Variants in CEP85L observed in about 807,000 individuals in gnomAD.
CEP85L encodes centrosomal protein 85L, also known as centrosomal protein of 85 kDa-like.
Under a neutral mutation model 100.3 loss-of-function variants are expected in CEP85L, and 60 were observed. That is an observed-to-expected ratio of 0.60 (90% CI 0.49 to 0.74). The LOEUF (loss-of-function observed/expected upper bound fraction) is 0.74, where lower values mean the gene tolerates loss of function less well. Ranked by LOEUF, CEP85L falls within the 30% of genes least tolerant of loss-of-function variation. CEP85L has a pLI of 0.00. For synonymous variants in CEP85L, 319 were observed against 322.7 expected (o/e 0.99, Z 0.12); for missense variants, 973 against 936.2 (o/e 1.04, Z -0.51).
chr6:118,599,060 T>A (rs1781593495), intron 2 of CEP85L, among the ~76,000 whole-genome samples: 1 of 152,204 alleles, frequency 6.6e-6, no homozygotes, highest in Admixed American at 6.5e-5. Flanking sequence ...AATTATAGGC[T>A]AATATACATA....
At chr6:118,529,596 A>C (rs1385747347) in intron 3 of CEP85L, among the ~76,000 whole-genome samples, 4 of 132,896 alleles carry the variant, frequency 3.0e-5, no homozygotes, top group African/African-American at 1.2e-4. Flanking sequence ...CGACAGAGCG[A>C]GACTCTGTCT....
At chr6:118,596,447 A>T (rs1288691664) in intron 2 of CEP85L, among the ~76,000 whole-genome samples, 1 of 152,178 alleles carries the variant, frequency 6.6e-6, no homozygotes, top group Non-Finnish European at 1.5e-5. Flanking sequence ...CTTGGTAAGC[A>T]CACTTACCAA....
upstream of CEP85L, chr6:118,652,346 A>G (rs1445999170): frequency 3.5e-5 from 35 of 994,670 alleles, no homozygotes; most frequent in Non-Finnish European, 4.2e-5. Context: ...TTAGTGCAGG[A>G]GGAGACGTCC....
At chr6:118,591,429 C>CA (rs1312980796) in intron 2 of CEP85L, among the ~76,000 whole-genome samples, 2 of 152,006 alleles carry the variant, frequency 1.3e-5, no homozygotes, top group Non-Finnish European at 2.9e-5. Flanking sequence ...GGTCATGGGC[C>CA]AAGTCTTCAT....
At chr6:118,632,211 G>A (rs6569024) in intron 2 of CEP85L, among the ~76,000 whole-genome samples, 53,537 of 151,946 alleles carry the variant, frequency 0.35, 10,461 homozygotes, top group Non-Finnish European at 0.46. Flanking sequence ...AGATGGTCTC[G>A]ATCTCCTGAC....
chr6:118,616,619 C>T (rs1254726864), intron 2 of CEP85L, among the ~76,000 whole-genome samples: 2 of 149,976 alleles, frequency 1.3e-5, no homozygotes, highest in Non-Finnish European at 3.0e-5. Flanking sequence ...ACACTACAGC[C>T]TGGGCAACAC....
In CEP85L at chr6:118,546,526, A is replaced by G. The variant is rs561576451; in HGVS notation, c.1020+19003T>C. Among the ~76,000 whole-genome samples the G allele has an allele frequency of 3.3e-5, 5 of 152,308 alleles. No homozygotes were observed. In the South Asian group the frequency reaches 1.0e-3, roughly 32 times the overall value. On this transcript the variant is annotated intron_variant, in intron 3 of 12. Coordinates refer to ENST00000368491, the MANE Select transcript of CEP85L (RefSeq NM_001042475.3). Reference sequence around the variant, plus strand: ...AAGCAGACTTTCTAAAACTATTAACAGTGCTCAAGAATGCATCTATTTACA... The same window carrying G: ...AAGCAGACTTTCTAAAACTATTAACGGTGCTCAAGAATGCATCTATTTACA...
At chr6:118,483,492 G>A (rs941393396) in intron 7 of CEP85L, among the ~76,000 whole-genome samples, 5 of 151,986 alleles carry the variant, frequency 3.3e-5, no homozygotes, top group Non-Finnish European at 7.4e-5. Context: ...GTAGTTAAGA[G>A]AGTTACAATA....
intron 2 of CEP85L, among the ~76,000 whole-genome samples, chr6:118,613,314 C>T (rs1312653207): frequency 6.6e-6 from 1 of 152,190 alleles, no homozygotes; most frequent in Non-Finnish European, 1.5e-5. Flanking sequence ...AACAATTCTA[C>T]ACACATAAAC....
intron 1 of CEP85L, among the ~76,000 whole-genome samples, chr6:118,642,687 G>A (rs1438166726): frequency 6.6e-6 from 1 of 152,126 alleles, no homozygotes; most frequent in Non-Finnish European, 1.5e-5. Context: ...GCTGAGCAGG[G>A]TGGATCACCT....
intron 2 of CEP85L, among the ~76,000 whole-genome samples, chr6:118,567,249 G>A (rs417322): frequency 0.14 from 5,714 of 42,100 alleles, 246 homozygotes; most frequent in Non-Finnish European, 0.17. Context: ...GTGTGTGTGT[G>A]TATATATATA....
intron 2 of CEP85L, among the ~76,000 whole-genome samples, chr6:118,583,221 C>T (rs572151046): frequency 6.6e-6 from 1 of 152,204 alleles, no homozygotes; most frequent in Non-Finnish European, 1.5e-5. Context: ...CCGGCTCCAG[C>T]GACTCAGACT....
intron 1 of CEP85L, among the ~76,000 whole-genome samples, chr6:118,642,544 CAAGT>C (rs962822447): frequency 6.6e-6 from 1 of 152,146 alleles, no homozygotes; most frequent in Non-Finnish European, 1.5e-5. Context: ...TTAGCAGCAT[CAAGT>C]AAGTATACTT....
At chr6:118,654,311 C>A (rs566251627), upstream of CEP85L, among the ~76,000 whole-genome samples, 1 of 152,096 alleles carries the variant, frequency 6.6e-6, no homozygotes, top group African/African-American at 2.4e-5. Flanking sequence ...AAGGAAACCC[C>A]ATGCATAATA....
intron 2 of CEP85L, among the ~76,000 whole-genome samples, chr6:118,605,847 C>A (rs528592176): frequency 8.6e-5 from 13 of 151,928 alleles, no homozygotes; most frequent in Non-Finnish European, 1.5e-4. Flanking sequence ...CCCGTCTCTA[C>A]CAAAAATACA....
intron 1 of CEP85L, among the ~76,000 whole-genome samples, chr6:118,635,859 C>T (rs1774459964): frequency 6.6e-6 from 1 of 152,202 alleles, no homozygotes; most frequent in Non-Finnish European, 1.5e-5. Flanking sequence ...CACTTTCTCA[C>T]TCCAGTAATG....
At position 118,514,524 on chromosome 6, in the gene CEP85L, CAA is replaced by C. The variant is rs561316113; in HGVS notation, c.1140-3111_1140-3110del. Among the ~76,000 whole-genome samples the C allele has an allele frequency of 3.8e-3, 336 of 87,514 alleles. 1 individual carries two copies. Among genetic ancestry groups the C allele is most frequent in the African/African-American group, 0.014 (321 of 22,482 alleles). 57.4% of individuals were successfully genotyped at this position (87,514 alleles called of 152,430 possible). On this transcript the variant is annotated intron_variant, in intron 4 of 12. Coordinates refer to ENST00000368491, the MANE Select transcript of CEP85L (RefSeq NM_001042475.3). ...TGGGAGACAGAGCAAGACACTGTCT[CAA>C]AAAAAAAAAAAAAAAAAGAAAACAA... is the stretch of plus-strand genomic sequence containing the variant.
At chr6:118,536,574 A>T (rs957082440) in intron 3 of CEP85L, among the ~76,000 whole-genome samples, 1 of 152,192 alleles carries the variant, frequency 6.6e-6, no homozygotes, top group African/African-American at 2.4e-5. Flanking sequence ...GAGAATCCTT[A>T]AGTCCCAAAG....
chr6:118,598,070 G>C (rs142725552), intron 2 of CEP85L, among the ~76,000 whole-genome samples: 67 of 152,198 alleles, frequency 4.4e-4, no homozygotes, highest in Non-Finnish European at 6.0e-4. Context: ...GTTTTAAAAA[G>C]AGTATGATTT....
Sources: gnomAD v4.1 joint callset for allele counts (sites outside exome capture counted in the v4.1 genomes callset) on GRCh38, gnomAD v4.1.1 for gene constraint, MANE v1.5 for transcripts, NCBI Gene and HGNC (gene_info 2026-07-23, HGNC 2026-07-21) for gene names.